Variants in ATXN7L1 observed in about 807,000 individuals in gnomAD.
ATXN7L1 encodes ataxin 7 like 1, also known as ataxin-7-like protein 1.
ATXN7L1 carries 15 observed loss-of-function variants against 70.8 expected under a neutral mutation model. The observed-to-expected ratio is 0.21, with a 90% CI of 0.14 to 0.33. The LOEUF (loss-of-function observed/expected upper bound fraction) is 0.33. Among genes scored for constraint, ATXN7L1 ranks in the 10% least tolerant of loss-of-function variants. The pLI, the probability that ATXN7L1 is intolerant of heterozygous loss-of-function variation, is 1.00. For missense variants in ATXN7L1, 975 were observed against 1,097.1 expected (o/e 0.89, Z 1.57); for synonymous variants, 440 against 445.1 (o/e 0.99, Z 0.14).
At chr7:105,757,201 T>C (rs1584932335) in intron 3 of ATXN7L1, among the ~76,000 whole-genome samples, 1 of 148,746 alleles carries the variant, frequency 6.7e-6, no homozygotes, top group African/African-American at 2.4e-5. Context: ...ATTGTATTTT[T>C]GAAAAAAAAA....
intron 5 of ATXN7L1, among the ~76,000 whole-genome samples, chr7:105,641,819 C>T (rs1336123558): frequency 6.6e-6 from 1 of 152,200 alleles, no homozygotes; most frequent in Non-Finnish European, 1.5e-5. Context: ...CCTGCTTTAT[C>T]CGAATGCTTT....
chr7:105,789,725 G>A (rs1804855269), intron 2 of ATXN7L1, among the ~76,000 whole-genome samples: 1 of 152,146 alleles, frequency 6.6e-6, no homozygotes, highest in African/African-American at 2.4e-5. Context: ...CCATGCCCAG[G>A]TGAGGATTTT....
chr7:105,870,281 C>A (rs1289892870), intron 2 of ATXN7L1, among the ~76,000 whole-genome samples: 15 of 125,342 alleles, frequency 1.2e-4, no homozygotes, highest in South Asian at 5.2e-4. Flanking sequence ...GACTCCATTT[C>A]AAAAAAAAAA....
chr7:105,801,549 A>G (rs186979342), intron 2 of ATXN7L1, among the ~76,000 whole-genome samples: 1 of 152,342 alleles, frequency 6.6e-6, no homozygotes, highest in African/African-American at 2.4e-5. Flanking sequence ...ATGTGGTAAT[A>G]TGGAACTTCT....
intron 2 of ATXN7L1, among the ~76,000 whole-genome samples, chr7:105,840,147 G>A (rs1346008985): frequency 6.6e-6 from 1 of 152,212 alleles, no homozygotes; most frequent in African/African-American, 2.4e-5. Flanking sequence ...CCACAGTGAG[G>A]GGCTGTATGC....
chr7:105,786,035 G>A (rs1804243445), intron 3 of ATXN7L1, among the ~76,000 whole-genome samples: 1 of 152,194 alleles, frequency 6.6e-6, no homozygotes, highest in Non-Finnish European at 1.5e-5. Flanking sequence ...GAGCTACAAT[G>A]GTTCTAACCT....
In ATXN7L1 at chr7:105,700,046, G is replaced by A. The variant is rs550073521; in HGVS notation, c.356-34758C>T. Among the ~76,000 whole-genome samples the A allele has an allele frequency of 9.8e-5, 15 of 152,290 alleles. 1 individual carries two copies. The South Asian group carries it at 3.1e-3, about 32-fold the overall frequency. On this transcript the variant is annotated intron_variant, in intron 3 of 11. Coordinates refer to ENST00000419735, the MANE Select transcript of ATXN7L1 (RefSeq NM_020725.2). ...AGGAGCAGCGACTCAGAGCCCCTCCGAGCCGCTCTGAGCTCCTGGCTGGGT... is the reference window on the plus strand; with the variant it reads ...AGGAGCAGCGACTCAGAGCCCCTCCAAGCCGCTCTGAGCTCCTGGCTGGGT...
At chr7:105,795,626 T>C (rs1370416038) in intron 2 of ATXN7L1, among the ~76,000 whole-genome samples, 1 of 152,262 alleles carries the variant, frequency 6.6e-6, no homozygotes, top group East Asian at 1.9e-4. Context: ...GATTCCTCCC[T>C]TTTGCAAGCA....
chr7:105,806,993 G>C (rs1807713702), intron 2 of ATXN7L1, among the ~76,000 whole-genome samples: 1 of 152,212 alleles, frequency 6.6e-6, no homozygotes, highest in African/African-American at 2.4e-5. Context: ...AGCCAGCAGA[G>C]CCTTCTTTTC....
intron 7 of ATXN7L1, among the ~76,000 whole-genome samples, chr7:105,626,839 A>C (rs967733575): frequency 1.4e-4 from 21 of 152,230 alleles, no homozygotes; most frequent in Non-Finnish European, 2.9e-4. Flanking sequence ...ACATCCTTCC[A>C]GACGTTGTTA....
chr7:105,815,756 G>A (rs2088815749), intron 2 of ATXN7L1, among the ~76,000 whole-genome samples: 2 of 152,194 alleles, frequency 1.3e-5, no homozygotes, highest in African/African-American at 4.8e-5. Flanking sequence ...ACAGCAAAAG[G>A]AAATCCCTGC....
chr7:105,658,770 A>G (rs1397828192), intron 4 of ATXN7L1, among the ~76,000 whole-genome samples: 1 of 152,004 alleles, frequency 6.6e-6, no homozygotes, highest in African/African-American at 2.4e-5. Flanking sequence ...TTGACCTCAA[A>G]TGATCCATCC....
chr7:105,617,037 T>A (rs1794003725), intron 9 of ATXN7L1, among the ~76,000 whole-genome samples: 1 of 152,112 alleles, frequency 6.6e-6, no homozygotes, highest in African/African-American at 2.4e-5. Context: ...TTTTCCATTT[T>A]TTTTTTTTAG....
At chr7:105,691,499 G>A (rs938103864) in intron 3 of ATXN7L1, 1 of 151,926 alleles carries the variant, frequency 6.6e-6, no homozygotes, top group Admixed American at 6.6e-5. Context: ...AATAACCTAG[G>A]ATCAGCAAAA....
At chr7:105,620,342 TA>T (rs765150111) in intron 8 of ATXN7L1, 21 bp from the exon 9 acceptor site, 1 of 1,533,878 alleles carries the variant, frequency 6.5e-7, no homozygotes, top group Non-Finnish European at 8.8e-7. Flanking sequence ...AAAAAAATTT[TA>T]ATTTTGATTA....
At chr7:105,805,126 G>A (rs1217517711) in intron 2 of ATXN7L1, among the ~76,000 whole-genome samples, 4 of 152,238 alleles carry the variant, frequency 2.6e-5, no homozygotes, top group Non-Finnish European at 5.9e-5. Context: ...CTGATGTAGT[G>A]AAGGGCTAAC....
intron 2 of ATXN7L1, among the ~76,000 whole-genome samples, chr7:105,837,248 C>T (rs1012543835): frequency 2.0e-5 from 3 of 152,176 alleles, no homozygotes; most frequent in Non-Finnish European, 4.4e-5. Flanking sequence ...TACCTTTTAA[C>T]ATGAGATCTG....
At chr7:105,836,972 C>T (rs549443592) in intron 2 of ATXN7L1, among the ~76,000 whole-genome samples, 2 of 152,164 alleles carry the variant, frequency 1.3e-5, no homozygotes, top group African/African-American at 2.4e-5. Context: ...GCAGGAGAAT[C>T]GCTTGAACCC....
At chr7:105,851,078 A>G (rs1476355913) in intron 2 of ATXN7L1, among the ~76,000 whole-genome samples, 2 of 152,026 alleles carry the variant, frequency 1.3e-5, no homozygotes, top group African/African-American at 2.4e-5. Flanking sequence ...ATGATTTACA[A>G]CCCTGAAACT....
Sources: allele counts gnomAD v4.1 joint callset (sites outside exome capture counted in the v4.1 genomes callset), GRCh38; gene constraint gnomAD v4.1.1; transcripts MANE v1.5; gene names NCBI Gene and HGNC (gene_info 2026-07-23, HGNC 2026-07-21).